The following STIM1 variants were observed in gnomAD, a reference collection of about 807,000 sequenced individuals.
The protein encoded by STIM1 is stromal interaction molecule 1.
In STIM1, 25 loss-of-function variants were observed where a neutral mutation model predicts 74.7. The ratio of observed to expected loss-of-function variants is 0.33; its 90% CI spans 0.24 to 0.47. The LOEUF (loss-of-function observed/expected upper bound fraction) is 0.47. STIM1 is among the 20% of genes least tolerant of loss of function. The pLI is 1.00. For missense variants in STIM1, 728 were observed against 920.8 expected (o/e 0.79, Z 2.71); for synonymous variants, 328 against 348.8 (o/e 0.94, Z 0.66).
chr11:4,058,652 T>A (rs1007677389), intron 4 of STIM1: 2 of 303,274 alleles, frequency 6.6e-6, no homozygotes, highest in Non-Finnish European at 9.7e-6. Flanking sequence ...CTTATTAAAG[T>A]TATCACTGAC....
At position 3,929,904 on chromosome 11, in the gene STIM1, G is replaced by C. The variant is rs138006641; in HGVS notation, c.140-37648G>C. Reference sequence around the variant, plus strand: ...GGTCTATTAATAGATCTGAAGTTCTGGGAGAGCCTCAGCTCTTCCCCCACC... The same window carrying C: ...GGTCTATTAATAGATCTGAAGTTCTCGGAGAGCCTCAGCTCTTCCCCCACC... On this transcript the variant is annotated intron_variant, in intron 1 of 12. Coordinates refer to ENST00000526596, the MANE Select transcript of STIM1 (RefSeq NM_001382567.1). Among the ~76,000 whole-genome samples, 433 of 152,226 alleles carry C rather than the reference G, an allele frequency of 2.8e-3. 1 individual carries two copies. Among genetic ancestry groups the C allele is most frequent in the African/African-American group, 1.0e-2 (415 of 41,522 alleles).
intron 5 of STIM1, among the ~76,000 whole-genome samples, chr11:4,062,481 G>A (rs542858015): frequency 9.2e-5 from 14 of 152,172 alleles, no homozygotes; most frequent in African/African-American, 3.4e-4. Flanking sequence ...AATTAGCCGG[G>A]TGTGGTGGCA....
intron 1 of STIM1, among the ~76,000 whole-genome samples, chr11:3,961,933 T>C (rs2093290601): frequency 6.6e-6 from 1 of 152,214 alleles, no homozygotes; most frequent in African/African-American, 2.4e-5. Flanking sequence ...GTGGGGGAAA[T>C]GCACTTTTAA....
At chr11:3,936,111 A>G (rs749303377) in intron 1 of STIM1, among the ~76,000 whole-genome samples, 1 of 152,224 alleles carries the variant, frequency 6.6e-6, no homozygotes, top group Non-Finnish European at 1.5e-5. Flanking sequence ...CAATCAAGAT[A>G]TAGAACATTT....
At chr11:4,025,911 G>T (rs1306758863) in intron 3 of STIM1, among the ~76,000 whole-genome samples, 1 of 152,162 alleles carries the variant, frequency 6.6e-6, no homozygotes, top group Non-Finnish European at 1.5e-5. Context: ...CAGTGATGTA[G>T]TTCACAGCTG....
intron 3 of STIM1, among the ~76,000 whole-genome samples, chr11:4,032,331 A>G (rs2094057587): frequency 6.6e-6 from 1 of 152,202 alleles, no homozygotes; most frequent in South Asian, 2.1e-4. Context: ...CAAGCAAACA[A>G]AAATGCCTCA....
chr11:3,945,312 C>T (rs1424107295), intron 1 of STIM1, among the ~76,000 whole-genome samples: 3 of 152,086 alleles, frequency 2.0e-5, no homozygotes, highest in South Asian at 2.1e-4. Flanking sequence ...CATGGTGGCT[C>T]ACGCCTGTAA....
At chr11:3,937,502 T>G (rs1426492525) in intron 1 of STIM1, among the ~76,000 whole-genome samples, 1 of 152,156 alleles carries the variant, frequency 6.6e-6, no homozygotes, top group African/African-American at 2.4e-5. Flanking sequence ...CGGGCCCCAT[T>G]TTTAGCTTCT....
At chr11:4,068,475 G>A (rs1382982915) in intron 5 of STIM1, among the ~76,000 whole-genome samples, 30 of 152,176 alleles carry the variant, frequency 2.0e-4, no homozygotes, top group Admixed American at 2.0e-3. Flanking sequence ...CCCAGGCTCT[G>A]GTAGTGGCTC....
At chr11:3,992,354 T>A (rs1259971505) in intron 2 of STIM1, among the ~76,000 whole-genome samples, 1 of 151,842 alleles carries the variant, frequency 6.6e-6, no homozygotes, top group Non-Finnish European at 1.5e-5. Context: ...GCAGAGGTTG[T>A]AGTGAGCCGA....
At chr11:4,041,453 A>G (rs1385352561) in intron 3 of STIM1, among the ~76,000 whole-genome samples, 2 of 152,036 alleles carry the variant, frequency 1.3e-5, no homozygotes, top group Non-Finnish European at 2.9e-5. Context: ...GCTTCCCTTT[A>G]CTACATTTTT....
chr11:3,998,874 A>G (rs2093685878), intron 2 of STIM1, among the ~76,000 whole-genome samples: 1 of 152,252 alleles, frequency 6.6e-6, no homozygotes, highest in African/African-American at 2.4e-5. Flanking sequence ...AAGGAGCATG[A>G]AATGGCTTGA....
chr11:3,916,291 T>A (rs1274664542), intron 1 of STIM1, among the ~76,000 whole-genome samples: 4 of 151,928 alleles, frequency 2.6e-5, no homozygotes, highest in African/African-American at 9.7e-5. Context: ...AGTAATGTTT[T>A]TTTTTTTTTA....
At chr11:3,955,608 A>AAT (rs1167044441) in intron 1 of STIM1, among the ~76,000 whole-genome samples, 2 of 152,116 alleles carry the variant, frequency 1.3e-5, no homozygotes, top group Non-Finnish European at 2.9e-5. Flanking sequence ...ATAATGTAAA[A>AAT]ATATATATTT....
intron 2 of STIM1, chr11:3,973,938 T>C (rs757095466): frequency 1.9e-6 from 1 of 538,874 alleles, no homozygotes; most frequent in Non-Finnish European, 3.3e-6. Context: ...CCAACAAATA[T>C]CCTTTTCATA....
At chr11:4,062,486 G>A (rs2920139) in intron 5 of STIM1, among the ~76,000 whole-genome samples, 65,959 of 152,084 alleles carry the variant, frequency 0.43, 16,604 homozygotes, top group Non-Finnish European at 0.57. Context: ...GCCGGGTGTG[G>A]TGGCACATGA....
In STIM1 at chr11:3,980,617, A is replaced by G. The variant is rs1798721404; in HGVS notation, c.270+12935A>G. ...AACAAGACCCCATCTCTTTAAAAAAAAAAAAAAAAAACCCACACATTTCAG... is the reference window on the plus strand; with the variant it reads ...AACAAGACCCCATCTCTTTAAAAAAGAAAAAAAAAAACCCACACATTTCAG... On this transcript the variant is annotated intron_variant, in intron 2 of 12. Transcript: ENST00000526596. Among the ~76,000 whole-genome samples the G allele has an allele frequency of 2.6e-5, 4 of 151,850 alleles. No homozygotes were observed. The South Asian group carries it at 8.3e-4, about 32-fold the overall frequency.
At chr11:3,997,804 T>C (rs1018273945) in intron 2 of STIM1, among the ~76,000 whole-genome samples, 2 of 152,198 alleles carry the variant, frequency 1.3e-5, no homozygotes, top group Admixed American at 1.3e-4. Context: ...GGGAGGGTCT[T>C]GCATAAAGTT....
chr11:4,058,818 A>G (rs1191495674), intron 4 of STIM1: 3 of 992,504 alleles, frequency 3.0e-6, no homozygotes, highest in South Asian at 4.4e-5. Context: ...TCAATAGCAC[A>G]TTAGCAGGTT....
Sources: gnomAD v4.1 joint callset for allele counts (sites outside exome capture counted in the v4.1 genomes callset) on GRCh38, gnomAD v4.1.1 for gene constraint, MANE v1.5 for transcripts, NCBI Gene and HGNC (gene_info 2026-07-23, HGNC 2026-07-21) for gene names.